The following FAM221A variants were observed in gnomAD, a reference collection of about 807,000 sequenced individuals.
FAM221A encodes protein FAM221A.
A neutral mutation model predicts 37.6 loss-of-function variants in FAM221A; 43 were observed. The ratio of observed to expected loss-of-function variants is 1.15; its 90% confidence interval spans 0.90 to 1.48. The LOEUF is 1.48. FAM221A is among the 40% of genes most tolerant of loss of function. The pLI, the probability that FAM221A is intolerant of heterozygous loss-of-function variation, is 0.00. For synonymous variants in FAM221A, 135 were observed against 132.9 expected (o/e 1.02, Z -0.11); for missense variants, 361 against 361.5 (o/e 1.00, Z 0.01).
In FAM221A at chr7:23,691,612, T is replaced by C. The variant is rs751834202; in HGVS notation, c.637+16T>C. ...AGTGGGATTGGTAAGTGATACTATATGAAATGTGAGCCCATTGTATTGTTT... is the reference window on the plus strand; with the variant it reads ...AGTGGGATTGGTAAGTGATACTATACGAAATGTGAGCCCATTGTATTGTTT... On this transcript the variant is annotated intron_variant, in intron 4 of 6. Coordinates refer to ENST00000344962, the MANE Select transcript of FAM221A (RefSeq NM_199136.5). The C allele has an allele frequency of 8.8e-5, 141 of 1,606,736 alleles. No homozygotes were observed. The South Asian group carries it at 1.5e-3, about 18-fold the overall frequency.
At chr7:23,698,606 C>T (rs1785208915) in intron 5 of FAM221A, among the ~76,000 whole-genome samples, 1 of 152,108 alleles carries the variant, frequency 6.6e-6, no homozygotes, top group Non-Finnish European at 1.5e-5. Context: ...TTCTGGCGGC[C>T]TAATTGCCTT....
In FAM221A at chr7:23,700,394, A is replaced by G. The variant is rs138016834; in HGVS notation, c.746-392A>G. ...AATAGTTCAGTTTTGAAAGATTTTG[A>G]AGCAGGTACTATCATTACTTATGGT... On this transcript the variant is annotated intron_variant, in intron 5 of 6. Transcript: ENST00000344962. Among the ~76,000 whole-genome samples, 7 of 152,386 alleles carry G rather than the reference A, an allele frequency of 4.6e-5. No individual in the cohort carries two copies. The East Asian group carries it at 1.3e-3, about 29-fold the overall frequency.
intron 4 of FAM221A, among the ~76,000 whole-genome samples, chr7:23,697,709 G>T (rs2128049082): frequency 6.6e-6 from 1 of 152,186 alleles, no homozygotes; most frequent in East Asian, 1.9e-4. Flanking sequence ...TCAGAAATGT[G>T]CAGAAGAATA....
chr7:23,689,203 T>C (rs1784556674), intron 2 of FAM221A, 66 bp from the exon 3 acceptor site: 1 of 1,070,250 alleles, frequency 9.3e-7, no homozygotes, highest in Admixed American at 2.3e-5. Context: ...TTTAATATAA[T>C]AGAAATTGTA....
At chr7:23,701,341 G>A (rs1232982097) in intron 6 of FAM221A, among the ~76,000 whole-genome samples, 4 of 147,438 alleles carry the variant, frequency 2.7e-5, no homozygotes, top group South Asian at 4.3e-4. Context: ...CCGGGTTCAC[G>A]CCATTCTCCT....
rs1283939718 is a variant in FAM221A, at chr7:23,701,236, C to CTTTTTTTTTTTTTTTTTT, written c.828+369_828+370insTTTTTTTTTTTTTTTTTT. On this transcript the variant is annotated intron_variant, in intron 6 of 6. Transcript: ENST00000344962. Reference sequence around the variant, plus strand: ...ATAAAGATTGAATATATTTTGAATTCTCTTTTTTTTTTTTTTTTTTTGAGA... The same window carrying CTTTTTTTTTTTTTTTTTT: ...ATAAAGATTGAATATATTTTGAATTCTTTTTTTTTTTTTTTTTTTCTTTTTTTTTTTTTTTTTTTGAGA... Among the ~76,000 whole-genome samples, 2 of 72,746 alleles carry CTTTTTTTTTTTTTTTTTT rather than the reference C, an allele frequency of 2.7e-5. 1 individual carries two copies. Among genetic ancestry groups the CTTTTTTTTTTTTTTTTTT allele is most frequent in the Non-Finnish European group, 6.0e-5 (2 of 33,446 alleles). The allele number at this position is 72,746 out of a possible 152,430, so 47.7% of individuals were successfully genotyped here. A position where few individuals can be genotyped will look rare whatever the true frequency, so the allele number is the denominator to read the frequency against.
At chr7:23,693,988 C>T (rs895846801) in intron 4 of FAM221A, 1 of 152,164 alleles carries the variant, frequency 6.6e-6, no homozygotes, top group Non-Finnish European at 1.5e-5. Flanking sequence ...GCCCTCCCTC[C>T]ACTCGCCTCC....
chr7:23,701,194 T>C (rs1785406457), intron 6 of FAM221A, among the ~76,000 whole-genome samples: 1 of 151,988 alleles, frequency 6.6e-6, no homozygotes, highest in Non-Finnish European at 1.5e-5. Flanking sequence ...TATTTTTTAT[T>C]TAAAAATATT....
At chr7:23,680,805 T>TGCA (rs1783988885) in intron 1 of FAM221A, 1 of 152,656 alleles carries the variant, frequency 6.6e-6, no homozygotes, top group African/African-American at 2.4e-5. Flanking sequence ...TTGTCCTGGA[T>TGCA]CCTGACCGAG....
intron 3 of FAM221A, among the ~76,000 whole-genome samples, chr7:23,690,169 T>TCA (rs1784630859): frequency 1.5e-5 from 1 of 65,446 alleles, no homozygotes; most frequent in Non-Finnish European, 3.0e-5. Flanking sequence ...ATGCCTTGGT[T>TCA]CATATATATA....
intron 4 of FAM221A, chr7:23,692,049 G>T: frequency 4.2e-6 from 1 of 239,144 alleles, no homozygotes; most frequent in Non-Finnish European, 6.9e-6. Flanking sequence ...ATGAACATAC[G>T]TGTATATACA....
At chr7:23,690,201 T>A (rs571200676) in intron 3 of FAM221A, among the ~76,000 whole-genome samples, 1,084 of 38,328 alleles carry the variant, frequency 0.028, 13 homozygotes, top group Admixed American at 0.1. Context: ...ATATATATAT[T>A]TTTTTTTTTT....
At chr7:23,694,762 T>A (rs1397859220) in intron 4 of FAM221A, 2 of 152,248 alleles carry the variant, frequency 1.3e-5, no homozygotes, top group African/African-American at 2.4e-5. Flanking sequence ...CATTGTTGGC[T>A]ATTTGTGTAC....
intron 2 of FAM221A, chr7:23,686,464 T>C (rs906138723): frequency 6.3e-6 from 2 of 316,440 alleles, no homozygotes; most frequent in African/African-American, 2.3e-5. Flanking sequence ...GTGGTTTGGC[T>C]TTGTTACCCA....
At chr7:23,680,337 C>T in intron 1 of FAM221A, 54 bp downstream of exon 1, 3 of 1,445,480 alleles carry the variant, frequency 2.1e-6, no homozygotes, top group Non-Finnish European at 1.9e-6. Flanking sequence ...GCCAGGATCC[C>T]TGGGCTGGGG....
Position 23,684,589 on chromosome 7 carries a change from C to T in FAM221A, c.156C>T (p.Asn52=). The change falls in exon 2 of 7, where the codon AAC becomes AAT. Residue 52 remains asparagine (N), a synonymous_variant. Coordinates refer to ENST00000344962, the MANE Select transcript of FAM221A (RefSeq NM_199136.5). ...KRKVLPLRLQ[N]RLFVSWRSPT... ...AAGTTTTACCTCTGCGCTTACAAAA[C>T]AGATTATTTGTGAGCTGGCGGTCAC... 6.2e-7 allele frequency: 1 copy of T among 1,614,032 alleles called. No homozygotes were observed. The highest frequency in any genetic ancestry group is 8.5e-7 in the Non-Finnish European group (1 of 1,179,936).
In FAM221A at chr7:23,702,237, AT is replaced by A; in HGVS notation, c.*78del. 3.2e-6 allele frequency: 3 copies of A among 923,274 alleles called. No individual in the cohort carries two copies. The highest frequency in any genetic ancestry group is 4.6e-6 in the Non-Finnish European group (3 of 647,212). 57.2% of individuals were successfully genotyped at this position (923,274 alleles called of 1,614,324 possible). On this transcript the variant is annotated 3_prime_UTR_variant, in exon 7 of 7. Coordinates refer to ENST00000344962, the MANE Select transcript of FAM221A (RefSeq NM_199136.5). The stretch of plus-strand genomic sequence containing the variant: ...TTATTTAAATGTAATAATACAGTTT[AT>A]TTTTCCTGAAATTATTTACTTTTTT...
At chr7:23,685,543 A>G (rs1015757298) in intron 2 of FAM221A, among the ~76,000 whole-genome samples, 2 of 152,200 alleles carry the variant, frequency 1.3e-5, no homozygotes, top group Admixed American at 1.3e-4. Context: ...AACTACTTTA[A>G]GCGTTGCTTG....
intron 3 of FAM221A, among the ~76,000 whole-genome samples, chr7:23,690,191 A>ATT: frequency 1.8e-5 from 1 of 55,314 alleles, no homozygotes; most frequent in African/African-American, 5.7e-5. Context: ...ATATATATAT[A>ATT]TATATATATT....
Sources: allele counts gnomAD v4.1 joint callset (sites outside exome capture counted in the v4.1 genomes callset), GRCh38; gene constraint gnomAD v4.1.1; transcripts MANE v1.5; gene names NCBI Gene and HGNC (gene_info 2026-07-23, HGNC 2026-07-21).